Variants in BNC2 observed in about 807,000 individuals in gnomAD.
BNC2 encodes basonuclin zinc finger protein 2.
Under a neutral mutation model 76.3 loss-of-function variants are expected in BNC2, and 20 were observed. The ratio of observed to expected loss-of-function variants is 0.26; its 90% CI spans 0.18 to 0.38. The LOEUF (loss-of-function observed/expected upper bound fraction) is 0.38, where lower values mean the gene tolerates loss of function less well. BNC2 is among the 10% of genes least tolerant of loss of function. The probability of loss-of-function intolerance (pLI) is 1.00; values close to 1 mark genes in which losing one functional copy is unlikely to be tolerated. For synonymous variants in BNC2, 582 were observed against 514.8 expected, an observed-to-expected ratio of 1.13 and a Z score of -1.77; for missense variants, 1,382 against 1,399.8, an observed-to-expected ratio of 0.99 and a Z score of 0.20.
intron 1 of BNC2, among the ~76,000 whole-genome samples, chr9:16,822,975 A>C (rs1282592737): frequency 6.6e-6 from 1 of 152,186 alleles, no homozygotes; most frequent in Non-Finnish European, 1.5e-5. Context: ...TTGGTCAAGT[A>C]GTTTCAAGAA....
Position 16,597,338 on chromosome 9 carries a change from A to G in BNC2, c.331-14253T>C, listed in dbSNP as rs1421733414. Reference sequence around the variant, plus strand: ...GCACGCTGCCTAAATTTAAACACAAACAGTCAAGCAATGAAGAAACATTAA... The same window carrying G: ...GCACGCTGCCTAAATTTAAACACAAGCAGTCAAGCAATGAAGAAACATTAA... On this transcript the variant is annotated intron_variant, in intron 3 of 6. Transcript: ENST00000380672. Among the ~76,000 whole-genome samples the G allele has an allele frequency of 3.9e-5, 6 of 152,286 alleles. 1 individual carries two copies. Among genetic ancestry groups the G allele is most frequent in the Middle Eastern group, 6.8e-3 (2 of 294 alleles).
chr9:16,808,167 ATTCAACCTTAAAATTT>A, intron 1 of BNC2, among the ~76,000 whole-genome samples: 1 of 152,338 alleles, frequency 6.6e-6, no homozygotes, highest in South Asian at 2.1e-4. Context: ...GTATTTCAAT[ATTCAACCTTAAAATTT>A]TTTAAACACA....
intron 1 of BNC2, among the ~76,000 whole-genome samples, chr9:16,835,900 C>T (rs1476515825): frequency 2.0e-5 from 3 of 152,172 alleles, no homozygotes; most frequent in Middle Eastern, 3.4e-3. Flanking sequence ...TTGAGACTTG[C>T]TCTAATAGGA....
At chr9:16,850,757 C>T (rs1350950518) in intron 1 of BNC2, among the ~76,000 whole-genome samples, 4 of 151,848 alleles carry the variant, frequency 2.6e-5, no homozygotes, top group Admixed American at 1.3e-4. Context: ...ATTATTGCAT[C>T]ACTGCACTCC....
At chr9:16,837,851 C>T (rs1818741768) in intron 1 of BNC2, among the ~76,000 whole-genome samples, 1 of 151,948 alleles carries the variant, frequency 6.6e-6, no homozygotes, top group African/African-American at 2.4e-5. Flanking sequence ...CTCAGGGTTT[C>T]CAGGAGGTGG....
chr9:16,740,479 C>G (rs1824812070), intron 1 of BNC2, among the ~76,000 whole-genome samples: 1 of 152,118 alleles, frequency 6.6e-6, no homozygotes, highest in Non-Finnish European at 1.5e-5. Flanking sequence ...TTTTATTAGG[C>G]TTTGTGTCAT....
At chr9:16,793,319 A>G (rs950999292) in intron 1 of BNC2, among the ~76,000 whole-genome samples, 19 of 152,234 alleles carry the variant, frequency 1.2e-4, no homozygotes, top group Non-Finnish European at 1.9e-4. Flanking sequence ...AACAGCAGAA[A>G]CAAATTAAAT....
intron 1 of BNC2, among the ~76,000 whole-genome samples, chr9:16,773,681 C>T (rs888631726): frequency 6.6e-6 from 1 of 152,172 alleles, no homozygotes; most frequent in Non-Finnish European, 1.5e-5. Context: ...CAAGTCTTAA[C>T]ATGAGAGCCC....
rs575920248 is a variant in BNC2 at position 16,415,415 on chromosome 9, C to T, written c.*3574G>A. 6.5e-6 allele frequency: 1 copy of T among 152,764 alleles called. No individual in the cohort carries two copies. Among genetic ancestry groups the T allele is most frequent in the South Asian group, 2.1e-4 (1 of 4,830 alleles). The allele number at this position is 152,764 out of a possible 1,614,324, so 9.5% of individuals were successfully genotyped here. ...ACAGTCATACCGCCTAATTTTGTAC[C>T]TGTGATAAACTCTGGCTAAAACCAA... On this transcript the variant is annotated 3_prime_UTR_variant, in exon 7 of 7. Coordinates refer to ENST00000380672, the MANE Select transcript of BNC2 (RefSeq NM_017637.6).
At chr9:16,588,084 A>G (rs781370896) in intron 3 of BNC2, among the ~76,000 whole-genome samples, 4 of 152,192 alleles carry the variant, frequency 2.6e-5, no homozygotes, top group Non-Finnish European at 4.4e-5. Context: ...TTAAAAATAC[A>G]TGATTCTCTG....
At chr9:16,768,991 G>A (rs909186957) in intron 1 of BNC2, among the ~76,000 whole-genome samples, 1 of 152,116 alleles carries the variant, frequency 6.6e-6, no homozygotes, top group African/African-American at 2.4e-5. Context: ...GGTAGGGGGC[G>A]GAACTTCCAG....
intron 3 of BNC2, among the ~76,000 whole-genome samples, chr9:16,589,960 C>CATT (rs1819879157): frequency 1.3e-5 from 2 of 152,032 alleles, no homozygotes; most frequent in Admixed American, 6.6e-5. Context: ...AAAAGCTAGT[C>CATT]ATTAACATAA....
intron 3 of BNC2, among the ~76,000 whole-genome samples, chr9:16,657,825 G>C (rs888053280): frequency 6.6e-6 from 1 of 152,118 alleles, no homozygotes; most frequent in African/African-American, 2.4e-5. Context: ...ATCATACTAT[G>C]ATGTCACCTG....
At chr9:16,869,495 C>G (rs1819623387) in intron 1 of BNC2, among the ~76,000 whole-genome samples, 1 of 152,110 alleles carries the variant, frequency 6.6e-6, no homozygotes. Flanking sequence ...ATCACTGAAA[C>G]AAGAGATGTC....
intron 1 of BNC2, among the ~76,000 whole-genome samples, chr9:16,791,787 T>C (rs111788591): frequency 3.2e-4 from 48 of 151,984 alleles, no homozygotes; most frequent in African/African-American, 1.1e-3. Flanking sequence ...AAAGAGAAAA[T>C]AGATTAAAAA....
At chr9:16,652,633 C>G (rs960870246) in intron 3 of BNC2, among the ~76,000 whole-genome samples, 2 of 152,024 alleles carry the variant, frequency 1.3e-5, no homozygotes, top group South Asian at 4.2e-4. Context: ...GTTTTTACAC[C>G]CTAAGTGCAC....
At chr9:16,852,670 C>A (rs761912054) in intron 1 of BNC2, among the ~76,000 whole-genome samples, 1 of 151,964 alleles carries the variant, frequency 6.6e-6, no homozygotes, top group Non-Finnish European at 1.5e-5. Flanking sequence ...AGAAAAAAAT[C>A]AGGGTAAGAG....
chr9:16,810,137 G>GT lies in BNC2; in HGVS notation c.3+60508dup, dbSNP rs759015533. Among the ~76,000 whole-genome samples the GT allele has an allele frequency of 3.9e-5, 6 of 152,138 alleles. No homozygotes were observed. In the South Asian group the frequency reaches 1.2e-3, roughly 32 times the overall value. On this transcript the variant is annotated intron_variant, in intron 1 of 6. Coordinates refer to ENST00000380672, the MANE Select transcript of BNC2 (RefSeq NM_017637.6). Reference sequence around the variant, plus strand: ...TGTAAAGCCACTAAGGTAACTTATGGTTAAAAACTTGCTTTGCTTTATAAA... The same window carrying GT: ...TGTAAAGCCACTAAGGTAACTTATGGTTTAAAAACTTGCTTTGCTTTATAAA...
chr9:16,758,762 A>G (rs1345961033), intron 1 of BNC2, among the ~76,000 whole-genome samples: 1 of 152,226 alleles, frequency 6.6e-6, no homozygotes, highest in Non-Finnish European at 1.5e-5. Flanking sequence ...GAGAATTAAT[A>G]GCATTTCTAA....
Sources: gnomAD v4.1 joint callset for allele counts (sites outside exome capture counted in the v4.1 genomes callset) on GRCh38, gnomAD v4.1.1 for gene constraint, MANE v1.5 for transcripts, NCBI Gene and HGNC (gene_info 2026-07-23, HGNC 2026-07-21) for gene names.